The following ENOX1 variants were observed in gnomAD, a reference collection of about 807,000 sequenced individuals.
The protein encoded by ENOX1 is ecto-NOX disulfide-thiol exchanger 1.
ENOX1 carries 42 observed loss-of-function variants against 82.5 expected under a neutral mutation model. The ratio of observed to expected loss-of-function variants is 0.51; its 90% CI spans 0.40 to 0.66. The LOEUF (loss-of-function observed/expected upper bound fraction) is 0.66. Among genes scored for constraint, ENOX1 ranks in the 30% least tolerant of loss-of-function variants. The pLI, the probability that ENOX1 is intolerant of heterozygous loss-of-function variation, is 0.00. For synonymous variants in ENOX1, 271 were observed against 282.2 expected, an observed-to-expected ratio of 0.96 and a Z score of 0.40; for missense variants, 608 against 811.6, an observed-to-expected ratio of 0.75 and a Z score of 3.05.
intron 2 of ENOX1, among the ~76,000 whole-genome samples, chr13:43,616,120 C>CTA (rs1566640764): frequency 0.011 from 126 of 11,220 alleles, 2 homozygotes; most frequent in South Asian, 0.018. Context: ...ATCTATAGAT[C>CTA]TATAGATATC....
chr13:43,520,414 G>C (rs1566439037), intron 2 of ENOX1, among the ~76,000 whole-genome samples: 1 of 152,068 alleles, frequency 6.6e-6, no homozygotes, highest in Admixed American at 6.6e-5. Context: ...TGAAGTAAAA[G>C]GCATGTTTGT....
intron 2 of ENOX1, among the ~76,000 whole-genome samples, chr13:43,612,458 A>G (rs548638765): frequency 4.6e-5 from 7 of 152,320 alleles, no homozygotes; most frequent in African/African-American, 1.7e-4. Context: ...AGACTACATA[A>G]ATAGAAGCAA....
intron 2 of ENOX1, among the ~76,000 whole-genome samples, chr13:43,499,658 C>T (rs951333299): frequency 2.6e-5 from 4 of 151,952 alleles, no homozygotes; most frequent in Admixed American, 6.6e-5. Flanking sequence ...GAGGTGACTG[C>T]TTCTTCAAGT....
chr13:43,413,089 C>A (rs1594426321), intron 3 of ENOX1, 101 bp from the exon 4 acceptor site: 2 of 1,192,340 alleles, frequency 1.7e-6, no homozygotes, highest in Non-Finnish European at 2.2e-6. Flanking sequence ...AAACAAAGAC[C>A]GATTTCCAGT....
intron 2 of ENOX1, among the ~76,000 whole-genome samples, chr13:43,488,670 G>A (rs1004215373): frequency 6.6e-6 from 1 of 152,210 alleles, no homozygotes; most frequent in Non-Finnish European, 1.5e-5. Flanking sequence ...GGCAATTGTG[G>A]TGAGGGCTAA....
At chr13:43,632,167 C>T (rs999977839) in intron 2 of ENOX1, among the ~76,000 whole-genome samples, 1 of 152,058 alleles carries the variant, frequency 6.6e-6, no homozygotes, top group Non-Finnish European at 1.5e-5. Context: ...AACCCTATGT[C>T]TATGTCTGTC....
intron 2 of ENOX1, among the ~76,000 whole-genome samples, chr13:43,495,203 A>G (rs2076751377): frequency 6.6e-6 from 1 of 152,178 alleles, no homozygotes; most frequent in African/African-American, 2.4e-5. Flanking sequence ...CGAGTATAAT[A>G]TATGGTAAAA....
chr13:43,502,334 A>G (rs934183003), intron 2 of ENOX1, among the ~76,000 whole-genome samples: 6 of 151,766 alleles, frequency 4.0e-5, no homozygotes, highest in Non-Finnish European at 8.9e-5. Flanking sequence ...CTCAAAAACT[A>G]GAAGAGGAAA....
chr13:43,261,420 C>T (rs928307786), intron 14 of ENOX1, among the ~76,000 whole-genome samples: 1 of 152,256 alleles, frequency 6.6e-6, no homozygotes, highest in East Asian at 1.9e-4. Context: ...TATACAGAAT[C>T]CCCCAGAAAC....
intron 3 of ENOX1, among the ~76,000 whole-genome samples, chr13:43,416,205 G>T (rs201969134): frequency 2.1e-5 from 2 of 94,142 alleles, no homozygotes; most frequent in Non-Finnish European, 4.4e-5. Flanking sequence ...CAGACGGGGC[G>T]GCTGGGCAGA....
At chr13:43,267,882 T>G (rs913379707) in intron 13 of ENOX1, among the ~76,000 whole-genome samples, 9 of 152,226 alleles carry the variant, frequency 5.9e-5, no homozygotes, top group African/African-American at 1.9e-4. Context: ...GATTTAAAAT[T>G]CTTCCTTCTC....
chr13:43,408,994 A>T lies in ENOX1; in HGVS notation c.208+2922T>A, dbSNP rs2053960769. On this transcript the variant is annotated intron_variant, in intron 5 of 16. Coordinates refer to ENST00000690772, the MANE Select transcript of ENOX1 (RefSeq NM_001347969.2). ...GAGTAGATAAATATTTTTAGGAAAT[A>T]TGAAGTCCAAGGATTAAAATGTTTA... Among the ~76,000 whole-genome samples the T allele has an allele frequency of 3.3e-5, 5 of 151,618 alleles. 1 individual carries two copies. In the South Asian group the frequency reaches 1.0e-3, roughly 32 times the overall value.
chr13:43,328,097 A>C (rs2048217504), intron 9 of ENOX1, among the ~76,000 whole-genome samples: 1 of 152,138 alleles, frequency 6.6e-6, no homozygotes, highest in Non-Finnish European at 1.5e-5. Context: ...TCCCTCCTCG[A>C]CCTCAACTGG....
In ENOX1 at chr13:43,642,972, A is replaced by T. The variant is rs571855857; in HGVS notation, c.-219+24507T>A. Among the ~76,000 whole-genome samples, 5 of 152,376 alleles carry T rather than the reference A, an allele frequency of 3.3e-5. No homozygotes were observed. In the South Asian group the frequency reaches 1.0e-3, roughly 32 times the overall value. ...ATGTAAGGAAAAATACAAGTGGAAA[A>T]CTAAGAGGAAGAAACAGTCATTTCA... On this transcript the variant is annotated intron_variant, in intron 2 of 16. Transcript: ENST00000690772.
At chr13:43,396,925 C>T (rs2053189899) in intron 5 of ENOX1, among the ~76,000 whole-genome samples, 1 of 152,238 alleles carries the variant, frequency 6.6e-6, no homozygotes, top group South Asian at 2.1e-4. Flanking sequence ...GCAACTTGCC[C>T]ATGGCCACTT....
intron 2 of ENOX1, among the ~76,000 whole-genome samples, chr13:43,550,225 C>G (rs374976038): frequency 6.6e-6 from 1 of 152,124 alleles, no homozygotes; most frequent in Non-Finnish European, 1.5e-5. Flanking sequence ...TGGTTTATGA[C>G]CTGGGTGTTG....
At chr13:43,419,520 C>T (rs112591033) in intron 3 of ENOX1, among the ~76,000 whole-genome samples, 2,338 of 152,136 alleles carry the variant, frequency 0.015, 68 homozygotes, top group African/African-American at 0.054. Context: ...TGCCACTGCA[C>T]TCTAGCCTGG....
chr13:43,576,105 A>T (rs753077033), intron 2 of ENOX1, among the ~76,000 whole-genome samples: 3 of 152,224 alleles, frequency 2.0e-5, no homozygotes, highest in Non-Finnish European at 2.9e-5. Flanking sequence ...AAGGAAAAGG[A>T]CTCATAAAAA....
chr13:43,385,706 C>A (rs2052366431), intron 5 of ENOX1, among the ~76,000 whole-genome samples: 2 of 152,064 alleles, frequency 1.3e-5, no homozygotes, highest in South Asian at 4.2e-4. Flanking sequence ...GGAATGATAT[C>A]AACTTTTTAG....
Sources: allele counts gnomAD v4.1 joint callset (sites outside exome capture counted in the v4.1 genomes callset), GRCh38; gene constraint gnomAD v4.1.1; transcripts MANE v1.5; gene names NCBI Gene and HGNC (gene_info 2026-07-23, HGNC 2026-07-21).